The following MAP7 variants were observed in gnomAD, a reference collection of about 807,000 sequenced individuals.
MAP7 encodes the protein microtubule associated protein 7.
Under a neutral mutation model 94.8 loss-of-function variants are expected in MAP7, and 52 were observed. The observed-to-expected ratio is 0.55, with a 90% CI of 0.44 to 0.69. MAP7 has a LOEUF of 0.69. MAP7 is among the 30% of genes least tolerant of loss of function. The pLI, the probability that MAP7 is intolerant of heterozygous loss-of-function variation, is 0.00. For synonymous variants in MAP7, 350 were observed against 357.0 expected (o/e 0.98, Z 0.22); for missense variants, 940 against 964.6 (o/e 0.97, Z 0.34).
At chr6:136,392,073 C>T (rs151010777) in intron 3 of MAP7, among the ~76,000 whole-genome samples, 53 of 152,266 alleles carry the variant, frequency 3.5e-4, no homozygotes, top group Non-Finnish European at 6.3e-4. Context: ...AGTACACTTA[C>T]TGCTCTGCAT....
At chr6:136,397,752 G>T (rs1782928323) in intron 3 of MAP7, among the ~76,000 whole-genome samples, 3 of 152,110 alleles carry the variant, frequency 2.0e-5, no homozygotes, top group Admixed American at 6.6e-5. Flanking sequence ...ATAAATTTCT[G>T]TTGTTTAAGC....
chr6:136,513,742 T>C (rs1277698673), intron 1 of MAP7, among the ~76,000 whole-genome samples: 1 of 152,092 alleles, frequency 6.6e-6, no homozygotes, highest in Non-Finnish European at 1.5e-5. Context: ...GATCCATTCC[T>C]TGTCTATGAG....
intron 1 of MAP7, chr6:136,526,635 T>G (rs1827949125): frequency 1.0e-6 from 1 of 985,428 alleles, no homozygotes; most frequent in Non-Finnish European, 1.2e-6. Context: ...AGCTCCCTCT[T>G]CCTCTCAGCG....
intron 1 of MAP7, among the ~76,000 whole-genome samples, chr6:136,463,567 T>A (rs1386893065): frequency 1.3e-5 from 2 of 152,218 alleles, no homozygotes; most frequent in Non-Finnish European, 2.9e-5. Context: ...TTTTGGCAAA[T>A]ACACAATATA....
intron 3 of MAP7, among the ~76,000 whole-genome samples, chr6:136,393,978 A>AATTTTTTT (rs1554242697): frequency 2.8e-5 from 1 of 36,204 alleles, no homozygotes; most frequent in African/African-American, 7.4e-5. Context: ...CAGCAAAGGT[A>AATTTTTTT]TTTTTTTTTT....
chr6:136,393,310 G>T (rs1018756513), intron 3 of MAP7, among the ~76,000 whole-genome samples: 3 of 152,030 alleles, frequency 2.0e-5, no homozygotes, highest in African/African-American at 7.2e-5. Context: ...TATCCAAGCA[G>T]ATCCATGTTT....
At chr6:136,492,101 AG>A (rs778330613) in intron 1 of MAP7, among the ~76,000 whole-genome samples, 12 of 152,138 alleles carry the variant, frequency 7.9e-5, no homozygotes, top group Non-Finnish European at 1.0e-4. Context: ...GGCCAGGGGC[AG>A]GGGGTGGGGG....
At chr6:136,375,834 C>T (rs1341575740) in intron 7 of MAP7, among the ~76,000 whole-genome samples, 1 of 151,910 alleles carries the variant, frequency 6.6e-6, no homozygotes, top group African/African-American at 2.4e-5. Flanking sequence ...AATAAAGAGC[C>T]GGTTTGCAGA....
At chr6:136,520,228 C>CAGG (rs1310472492) in intron 1 of MAP7, among the ~76,000 whole-genome samples, 2 of 148,700 alleles carry the variant, frequency 1.3e-5, no homozygotes, top group African/African-American at 5.0e-5. Flanking sequence ...GGGGGAGGAG[C>CAGG]AGGAGGAGGA....
chr6:136,442,026 G>A (rs1798013830), intron 1 of MAP7, among the ~76,000 whole-genome samples: 1 of 150,902 alleles, frequency 6.6e-6, no homozygotes, highest in African/African-American at 2.4e-5. Flanking sequence ...AACAACAACA[G>A]TAACAAACAA....
At position 136,462,663 on chromosome 6, in the gene MAP7, A is replaced by G. The variant is rs1250922104; in HGVS notation, c.68-40864T>C. On this transcript the variant is annotated intron_variant, in intron 1 of 17. Transcript: ENST00000354570. Reference sequence around the variant, plus strand: ...TTTAGGTGAGTGGATGATGGTATTTAAAACTTTAATTTTACAGGCTGAGTG... The same window carrying G: ...TTTAGGTGAGTGGATGATGGTATTTGAAACTTTAATTTTACAGGCTGAGTG... Among the ~76,000 whole-genome samples the G allele has an allele frequency of 3.3e-5, 5 of 152,152 alleles. 1 individual carries two copies. The highest frequency in any genetic ancestry group is 1.2e-4 in the African/African-American group (5 of 41,442).
Position 136,361,116 on chromosome 6 carries a change from C to G in MAP7, c.1590G>C (p.Glu530Asp). 1 of 1,601,680 alleles carries G rather than the reference C, an allele frequency of 6.2e-7. No homozygotes were observed. The highest frequency in any genetic ancestry group is 8.5e-7 in the Non-Finnish European group (1 of 1,176,244). ...CCTGCTCGGCTTCCAGCCTGCGCGA[C>G]TCCTCCTCACGGCGAGTCGTCCTCT... is the stretch of plus-strand genomic sequence containing the variant. ...AEERTTRREE[E>D]SRRLEAEQAR... Residue 530 changes from glutamate (E) to aspartate (D), a missense_variant, in exon 12 of 18, where the codon GAG becomes GAC. Physicochemically the swap from Glu to Asp is conservative, Grantham distance 45 (BLOSUM62 2). Coordinates refer to ENST00000354570, the MANE Select transcript of MAP7 (RefSeq NM_003980.6).
intron 16 of MAP7, among the ~76,000 whole-genome samples, chr6:136,351,262 CAAAA>C (rs557844878): frequency 6.7e-6 from 1 of 148,252 alleles, no homozygotes; most frequent in South Asian, 2.1e-4. Context: ...AACGAAAAAA[CAAAA>C]AAAAGCCAAT....
At chr6:136,488,035 T>C (rs890297461) in intron 1 of MAP7, among the ~76,000 whole-genome samples, 1 of 152,248 alleles carries the variant, frequency 6.6e-6, no homozygotes, top group Non-Finnish European at 1.5e-5. Flanking sequence ...ATTATGTTCA[T>C]ATTTAGCTAA....
chr6:136,356,633 T>G, intron 16 of MAP7, 59 bp downstream of exon 16: 14 of 1,330,848 alleles, frequency 1.1e-5, no homozygotes, highest in Middle Eastern at 2.2e-4. Flanking sequence ...GAAATTCTGG[T>G]GGAGCTGGTG....
At chr6:136,389,723 G>A (rs1780168616) in intron 3 of MAP7, among the ~76,000 whole-genome samples, 1 of 152,102 alleles carries the variant, frequency 6.6e-6, no homozygotes, top group African/African-American at 2.4e-5. Flanking sequence ...TAATATGTTA[G>A]CAATGAGGTT....
intron 3 of MAP7, among the ~76,000 whole-genome samples, chr6:136,402,090 C>A (rs1426787629): frequency 1.3e-5 from 2 of 152,168 alleles, no homozygotes; most frequent in African/African-American, 4.8e-5. Flanking sequence ...CACCTCCTTC[C>A]CCCTGGCAAA....
In MAP7 at chr6:136,366,356, T is replaced by G. The variant is rs748977506; in HGVS notation, c.960A>C (p.Lys320Asn). Reference protein sequence around the residue: ...TRRAVSPSNPKARQPARSRLW... With the variant: ...TRRAVSPSNPNARQPARSRLW... Reference sequence around the variant, plus strand: ...GTCGGGAGCGAGCTGGTTGTCTTGCTTTGGGATTAGATGGAGATACAGCCC... The same window carrying G: ...GTCGGGAGCGAGCTGGTTGTCTTGCGTTGGGATTAGATGGAGATACAGCCC... Residue 320 changes from lysine (K) to asparagine (N), a missense_variant, in exon 9 of 18, where the codon AAA (lysine) becomes AAC (asparagine). Physicochemically the swap from Lys to Asn is moderately conservative, Grantham distance 94. Coordinates refer to ENST00000354570, the MANE Select transcript of MAP7 (RefSeq NM_003980.6). 4 of 1,614,060 alleles carry G rather than the reference T, an allele frequency of 2.5e-6. No individual in the cohort carries two copies. The African/African-American group carries it at 4.0e-5, about 16-fold the overall frequency.
chr6:136,514,411 C>T (rs1185198196), intron 1 of MAP7, among the ~76,000 whole-genome samples: 1 of 151,710 alleles, frequency 6.6e-6, no homozygotes, highest in Non-Finnish European at 1.5e-5. Context: ...ATGGCGAAAC[C>T]CTGTCTCCAC....
Sources: allele counts gnomAD v4.1 joint callset (sites outside exome capture counted in the v4.1 genomes callset), GRCh38; gene constraint gnomAD v4.1.1; transcripts MANE v1.5; gene names NCBI Gene and HGNC (gene_info 2026-07-23, HGNC 2026-07-21).